Variants in NCOA3 observed in about 807,000 individuals in gnomAD.
NCOA3 encodes nuclear receptor coactivator 3, also known as CBP-interacting protein.
Under a neutral mutation model 158.8 loss-of-function variants are expected in NCOA3, and 51 were observed. That is an observed-to-expected ratio of 0.32 (90% CI 0.26 to 0.41). NCOA3 has a LOEUF of 0.41. Ranked by LOEUF, NCOA3 falls within the 10% of genes least tolerant of loss-of-function variation. The pLI, the probability that NCOA3 is intolerant of heterozygous loss-of-function variation, is 1.00. For synonymous variants in NCOA3, 537 were observed against 592.4 expected, an observed-to-expected ratio of 0.91 and a Z score of 1.36; for missense variants, 1,510 against 1,746.6, an observed-to-expected ratio of 0.86 and a Z score of 2.41.
At chr20:47,602,236 A>G (rs926471039) in intron 2 of NCOA3, among the ~76,000 whole-genome samples, 3 of 152,224 alleles carry the variant, frequency 2.0e-5, no homozygotes, top group Non-Finnish European at 2.9e-5. Flanking sequence ...TTTCATTACC[A>G]TAAAATTTTG....
At chr20:47,518,033 C>G (rs1375845254) in intron 1 of NCOA3, among the ~76,000 whole-genome samples, 1 of 152,002 alleles carries the variant, frequency 6.6e-6, no homozygotes, top group Admixed American at 6.6e-5. Context: ...AAAACTGACT[C>G]GAGGGTTGAA....
At chr20:47,589,355 A>G (rs1434400614) in intron 2 of NCOA3, among the ~76,000 whole-genome samples, 1 of 152,188 alleles carries the variant, frequency 6.6e-6, no homozygotes, top group East Asian at 1.9e-4. Context: ...CCTCATGCCC[A>G]TATACATTGT....
chr20:47,581,239 C>G (rs936900040), intron 1 of NCOA3, among the ~76,000 whole-genome samples: 6 of 152,054 alleles, frequency 3.9e-5, no homozygotes, highest in Admixed American at 2.0e-4. Flanking sequence ...CCCTAGATAT[C>G]TCAGTATGCA....
chr20:47,636,267 T>G lies in NCOA3; in HGVS notation c.1881T>G (p.Cys627Trp). 6.2e-7 allele frequency: 1 copy of G among 1,614,178 alleles called. No homozygotes were observed. Among genetic ancestry groups the G allele is most frequent in the Non-Finnish European group, 8.5e-7 (1 of 1,180,030 alleles). Reference sequence around the variant, plus strand: ...AAAAATTACTGCAGTTACTTACCTGTTCTTCTGATGACCGGGGTCATTCCT... The same window carrying G: ...AAAAATTACTGCAGTTACTTACCTGGTCTTCTGATGACCGGGGTCATTCCT... ...GHKKLLQLLT[C>W]SSDDRGHSSL... is the part of the protein sequence containing the mutation. Residue 627 changes from cysteine to tryptophan, a missense_variant, in exon 12 of 23, where the codon TGT becomes TGG. This residue lies in a region of NCOA3 where 1,017 missense variants were observed against 1,098.3 expected (regional missense o/e 0.93). Coordinates refer to ENST00000371998, the MANE Select transcript of NCOA3 (RefSeq NM_181659.3).
intron 2 of NCOA3, among the ~76,000 whole-genome samples, chr20:47,613,268 G>A (rs936541388): frequency 6.6e-6 from 1 of 150,724 alleles, no homozygotes; most frequent in Non-Finnish European, 1.5e-5. Context: ...GATACCATGT[G>A]TATGTTTTGT....
chr20:47,518,184 C>CAAAAAAAAA (rs915828403), intron 1 of NCOA3, among the ~76,000 whole-genome samples: 1 of 138,944 alleles, frequency 7.2e-6, no homozygotes, highest in Non-Finnish European at 1.6e-5. Context: ...CCGTCTCTGC[C>CAAAAAAAAA]AAAAAAAAAA....
chr20:47,615,248 T>C (rs910583302), intron 2 of NCOA3, among the ~76,000 whole-genome samples: 18 of 152,230 alleles, frequency 1.2e-4, no homozygotes, highest in Admixed American at 1.2e-3. Context: ...TTCTCCCTTA[T>C]TAATTTAGGA....
rs186050868 is a variant in NCOA3 at position 47,608,777 on chromosome 20, G to T, written c.-19-13452G>T. Among the ~76,000 whole-genome samples the T allele has an allele frequency of 1.6e-3, 250 of 152,220 alleles. 1 individual carries two copies. The highest frequency in any genetic ancestry group is 2.6e-3 in the Admixed American group (39 of 15,278). On this transcript the variant is annotated intron_variant, in intron 2 of 22. Coordinates refer to ENST00000371998, the MANE Select transcript of NCOA3 (RefSeq NM_181659.3). The stretch of plus-strand genomic sequence containing the variant: ...GGTAAAGGAATCCTGAGATCAAAAG[G>T]CTTGAAATCTAGTGAATTTGGTTGG...
intron 21 of NCOA3, 91 bp from the exon 22 acceptor site, chr20:47,652,840 A>G (rs1006399809): frequency 2.3e-5 from 33 of 1,419,808 alleles, no homozygotes; most frequent in Non-Finnish European, 3.2e-5. Flanking sequence ...AAGTATAGCA[A>G]TGTTTGACAC....
chr20:47,648,605 TG>T (rs1244906559), intron 18 of NCOA3, among the ~76,000 whole-genome samples: 1 of 152,138 alleles, frequency 6.6e-6, no homozygotes, highest in Non-Finnish European at 1.5e-5. Flanking sequence ...CCCAGGTAGC[TG>T]GGACTACAGG....
intron 16 of NCOA3, among the ~76,000 whole-genome samples, chr20:47,641,350 C>T (rs1186489724): frequency 2.4e-5 from 3 of 124,982 alleles, no homozygotes; most frequent in South Asian, 2.7e-4. Context: ...TTTTTTGAGA[C>T]GGAATCTGGC....
intron 1 of NCOA3, among the ~76,000 whole-genome samples, chr20:47,545,683 T>C (rs578164827): frequency 6.6e-6 from 1 of 152,220 alleles, no homozygotes; most frequent in East Asian, 1.9e-4. Context: ...GTTTTCTTCT[T>C]TGGGATTCCT....
At chr20:47,633,663 T>A in intron 9 of NCOA3, 27 bp downstream of exon 9, 5 of 1,601,092 alleles carry the variant, frequency 3.1e-6, no homozygotes, top group Non-Finnish European at 4.3e-6. Context: ...TTGATTGTTC[T>A]TATCATTTTA....
At chr20:47,513,164 G>A (rs572428642) in intron 1 of NCOA3, among the ~76,000 whole-genome samples, 1 of 152,074 alleles carries the variant, frequency 6.6e-6, no homozygotes, top group Admixed American at 6.6e-5. Context: ...GCAAGACTCT[G>A]TCTCAAAAAA....
chr20:47,632,884 T>A (rs1372763964), intron 8 of NCOA3, among the ~76,000 whole-genome samples: 1 of 152,156 alleles, frequency 6.6e-6, no homozygotes, highest in South Asian at 2.1e-4. Flanking sequence ...GGTTTCACCA[T>A]GTTGGCCAGG....
intron 2 of NCOA3, among the ~76,000 whole-genome samples, chr20:47,620,533 C>A (rs928789084): frequency 2.0e-5 from 3 of 152,176 alleles, no homozygotes; most frequent in African/African-American, 7.2e-5. Flanking sequence ...TATCTCCCCC[C>A]CGGGTCAGGA....
chr20:47,621,724 G>A (rs1221242790), intron 2 of NCOA3, among the ~76,000 whole-genome samples: 5 of 145,776 alleles, frequency 3.4e-5, no homozygotes, highest in Non-Finnish European at 7.4e-5. Context: ...GTGCCATCTC[G>A]GCTCACTGCA....
Position 47,647,894 on chromosome 20 carries a change from TTTG to T in NCOA3, c.3546+531_3546+533del, listed in dbSNP as rs1478791904. On this transcript the variant is annotated intron_variant, in intron 18 of 22. Transcript: ENST00000371998. ...GTAGATGAATGCCTGAGGTTTTTTT[TTTG>T]TTTGTTTGTTTGTTTTGTTTTGTTT... is the stretch of plus-strand genomic sequence containing the variant. 3.4e-4 allele frequency among the ~76,000 whole-genome samples: 32 copies of T among 94,262 alleles called. No individual in the cohort carries two copies. The South Asian group carries it at 6.0e-3, about 18-fold the overall frequency. The allele number at this position is 94,262 out of a possible 152,430, so 61.8% of individuals were successfully genotyped here. A position where few individuals can be genotyped will look rare whatever the true frequency, so the allele number is the denominator to read the frequency against.
At chr20:47,604,409 T>C (rs1051819964) in intron 2 of NCOA3, among the ~76,000 whole-genome samples, 3 of 152,214 alleles carry the variant, frequency 2.0e-5, no homozygotes, top group Non-Finnish European at 4.4e-5. Flanking sequence ...TGATGTGTGC[T>C]TGTGTGTCCA....
Sources: allele counts gnomAD v4.1 joint callset (sites outside exome capture counted in the v4.1 genomes callset), GRCh38; gene constraint gnomAD v4.1.1; regional missense constraint gnomAD v4.1.1; transcripts MANE v1.5; gene names NCBI Gene and HGNC (gene_info 2026-07-23, HGNC 2026-07-21).